The following TNRC6B variants were observed in gnomAD, a reference collection of about 807,000 sequenced individuals.
TNRC6B encodes the protein trinucleotide repeat-containing gene 6B protein.
A neutral mutation model predicts 203.6 loss-of-function variants in TNRC6B; 52 were observed. That is an observed-to-expected ratio of 0.26 (90% confidence interval 0.20 to 0.32). The LOEUF is 0.32. Among genes scored for constraint, TNRC6B ranks in the 10% least tolerant of loss-of-function variants. The pLI is 1.00. For synonymous variants in TNRC6B, 838 were observed against 845.7 expected (o/e 0.99, Z 0.16); for missense variants, 1,923 against 2,286.2 (o/e 0.84, Z 3.24).
At chr22:40,164,284 A>T (rs1312619158) in intron 4 of TNRC6B, among the ~76,000 whole-genome samples, 1 of 148,796 alleles carries the variant, frequency 6.7e-6, no homozygotes, top group East Asian at 2.0e-4. Context: ...GCTACTCGGG[A>T]GGCTGAGGCA....
At chr22:40,152,363 T>C (rs1486717314) in intron 3 of TNRC6B, among the ~76,000 whole-genome samples, 1 of 152,220 alleles carries the variant, frequency 6.6e-6, no homozygotes, top group African/African-American at 2.4e-5. Context: ...AGTCTTGCTC[T>C]GTTGCCAGAC....
chr22:40,167,698 C>A (rs1416456485), intron 4 of TNRC6B, among the ~76,000 whole-genome samples: 2 of 102,188 alleles, frequency 2.0e-5, no homozygotes, highest in African/African-American at 4.4e-5. Flanking sequence ...AGATTCCCAT[C>A]GCTACCAAAA....
chr22:40,227,841 C>G (rs1601901863), intron 1 of TNRC6B, among the ~76,000 whole-genome samples: 1 of 152,152 alleles, frequency 6.6e-6, no homozygotes, highest in African/African-American at 2.4e-5. Flanking sequence ...TTTAGAAGAG[C>G]TGTCCCACCA....
intron 1 of TNRC6B, among the ~76,000 whole-genome samples, chr22:40,192,254 G>A (rs1329397873): frequency 1.3e-5 from 2 of 152,172 alleles, no homozygotes; most frequent in Admixed American, 6.5e-5. Flanking sequence ...TTAAGGATCC[G>A]GTGGAAGGGA....
intron 4 of TNRC6B, among the ~76,000 whole-genome samples, chr22:40,160,355 A>C (rs1351507383): frequency 6.6e-6 from 1 of 151,902 alleles, no homozygotes; most frequent in Non-Finnish European, 1.5e-5. Context: ...ACATGCCTAT[A>C]ATCCCAGCTA....
At chr22:40,286,030 TG>T (rs934264966) in intron 12 of TNRC6B, among the ~76,000 whole-genome samples, 4 of 152,346 alleles carry the variant, frequency 2.6e-5, no homozygotes, top group East Asian at 1.9e-4. Flanking sequence ...TAGATATTTT[TG>T]CATGAAAAGC....
At chr22:40,242,709 C>T (rs978351805) in intron 1 of TNRC6B, among the ~76,000 whole-genome samples, 1 of 152,124 alleles carries the variant, frequency 6.6e-6, no homozygotes, top group East Asian at 1.9e-4. Flanking sequence ...GAATTACAGG[C>T]GTGAGCCACC....
intron 1 of TNRC6B, among the ~76,000 whole-genome samples, chr22:40,048,372 C>T (rs2067711535): frequency 6.6e-6 from 1 of 152,056 alleles, no homozygotes; most frequent in Admixed American, 6.6e-5. Flanking sequence ...AACCCCGTCT[C>T]TACTAAAAAT....
intron 3 of TNRC6B, among the ~76,000 whole-genome samples, chr22:40,149,394 T>C (rs528959019): frequency 1.3e-4 from 20 of 151,964 alleles, no homozygotes; most frequent in South Asian, 8.3e-4. Context: ...GATGACTGGG[T>C]GCGGTGGCTC....
chr22:40,310,271 C>T (rs1216953926), intron 16 of TNRC6B, among the ~76,000 whole-genome samples: 2 of 152,152 alleles, frequency 1.3e-5, no homozygotes, highest in Non-Finnish European at 1.5e-5. Context: ...GCGGGAATTC[C>T]ATCTCATTGC....
At chr22:40,139,122 G>A (rs1328039146) in intron 3 of TNRC6B, among the ~76,000 whole-genome samples, 3 of 152,080 alleles carry the variant, frequency 2.0e-5, no homozygotes, top group Non-Finnish European at 4.4e-5. Flanking sequence ...CCAGGCACAG[G>A]CAACCACTAA....
intron 1 of TNRC6B, among the ~76,000 whole-genome samples, chr22:40,209,905 G>C (rs2069537244): frequency 6.6e-6 from 1 of 152,004 alleles, no homozygotes; most frequent in Non-Finnish European, 1.5e-5. Context: ...TGTAATCCCA[G>C]CTACTCTGGA....
intron 1 of TNRC6B, among the ~76,000 whole-genome samples, chr22:40,114,505 T>C (rs1480034831): frequency 6.6e-6 from 1 of 152,082 alleles, no homozygotes; most frequent in African/African-American, 2.4e-5. Flanking sequence ...CATTTTTTTG[T>C]AGAGATAGGG....
chr22:40,098,803 C>T (rs183415270), intron 1 of TNRC6B, among the ~76,000 whole-genome samples: 1 of 152,238 alleles, frequency 6.6e-6, no homozygotes, highest in East Asian at 1.9e-4. Flanking sequence ...TCATAGCTCA[C>T]TGCAATCTCG....
chr22:40,128,557 C>T (rs1021173934), intron 3 of TNRC6B, among the ~76,000 whole-genome samples: 2 of 151,236 alleles, frequency 1.3e-5, no homozygotes, highest in Non-Finnish European at 2.9e-5. Flanking sequence ...TCACGGCTCA[C>T]GGCTCACGGC....
Position 40,121,713 on chromosome 22 carries a change from C to T in TNRC6B, c.-46-4059C>T, listed in dbSNP as rs182280481. 9.5e-3 allele frequency among the ~76,000 whole-genome samples: 1,444 copies of T among 152,364 alleles called. 24 individuals carry two copies. Among genetic ancestry groups the T allele is most frequent in the African/African-American group, 0.033 (1,353 of 41,594 alleles). ...GCATCACCACCACCGCCACAACCGT[C>T]TGTGGCTTGTTTCTTGATGAGGCCT... On this transcript the variant is annotated intron_variant, in intron 2 of 23. Coordinates refer to the TNRC6B transcript ENST00000301923.
At chr22:40,308,490 A>C (rs1407427855) in intron 15 of TNRC6B, 22 bp from the exon 16 acceptor site, 1 of 1,613,728 alleles carries the variant, frequency 6.2e-7, no homozygotes, top group South Asian at 1.1e-5. Context: ...AGACTTATAA[A>C]ATGTGGTCTT....
intron 3 of TNRC6B, among the ~76,000 whole-genome samples, chr22:40,149,772 T>A (rs1478160376): frequency 1.4e-5 from 2 of 144,044 alleles, no homozygotes; most frequent in Non-Finnish European, 3.0e-5. Flanking sequence ...GATGATTTCA[T>A]GTGTATGTAT....
At chr22:40,233,351 C>T (rs1343809061) in intron 1 of TNRC6B, among the ~76,000 whole-genome samples, 2 of 150,412 alleles carry the variant, frequency 1.3e-5, no homozygotes, top group Admixed American at 6.6e-5. Context: ...CAGCCGGTCG[C>T]GGTGGCTCAT....
Sources: allele counts gnomAD v4.1 joint callset (sites outside exome capture counted in the v4.1 genomes callset), GRCh38; gene constraint gnomAD v4.1.1; transcripts MANE v1.5; gene names NCBI Gene and HGNC (gene_info 2026-07-23, HGNC 2026-07-21).